Variants in ELMO1 observed in about 807,000 individuals in gnomAD.
ELMO1 encodes the protein engulfment and cell motility 1.
A neutral mutation model predicts 98.9 loss-of-function variants in ELMO1; 26 were observed. That is an observed-to-expected ratio of 0.26 (90% CI 0.19 to 0.36). The LOEUF is 0.36. ELMO1 is among the 10% of genes least tolerant of loss of function. The pLI is 1.00. For missense variants in ELMO1, 627 were observed against 935.2 expected, an observed-to-expected ratio of 0.67 and a Z score of 4.30; for synonymous variants, 346 against 346.0, an observed-to-expected ratio of 1.00 and a Z score of 0.00.
intron 13 of ELMO1, among the ~76,000 whole-genome samples, chr7:37,188,516 T>TAAA (rs1791382907): frequency 1.6e-5 from 2 of 124,624 alleles, no homozygotes; most frequent in Non-Finnish European, 3.4e-5. Flanking sequence ...ATAATAATAA[T>TAAA]AATAATAATA....
chr7:37,408,532 G>T (rs935976219), intron 1 of ELMO1, among the ~76,000 whole-genome samples: 1 of 152,142 alleles, frequency 6.6e-6, no homozygotes, highest in African/African-American at 2.4e-5. Flanking sequence ...TAGATGAAGG[G>T]ATAAAGAAAC....
intron 4 of ELMO1, among the ~76,000 whole-genome samples, 173 bp from the exon 5 acceptor site, chr7:37,272,055 A>G (rs779105371): frequency 6.6e-6 from 1 of 152,242 alleles, no homozygotes; most frequent in East Asian, 1.9e-4. Flanking sequence ...TATTCAGTAC[A>G]AAGGAAGTGA....
intron 15 of ELMO1, among the ~76,000 whole-genome samples, chr7:37,052,254 C>T (rs1257644038): frequency 2.0e-5 from 3 of 152,162 alleles, no homozygotes; most frequent in Admixed American, 1.3e-4. Context: ...CAAGTTCATC[C>T]GATCTCTGCT....
chr7:37,386,903 A>T (rs1802830010), intron 1 of ELMO1, among the ~76,000 whole-genome samples: 1 of 152,170 alleles, frequency 6.6e-6, no homozygotes, highest in Non-Finnish European at 1.5e-5. Flanking sequence ...AGAGTTTTTA[A>T]TAAAATATTT....
intron 13 of ELMO1, among the ~76,000 whole-genome samples, chr7:37,193,737 A>T (rs969554693): frequency 6.6e-6 from 1 of 152,136 alleles, no homozygotes; most frequent in Non-Finnish European, 1.5e-5. Flanking sequence ...CTTACAAACA[A>T]ATCAGAGTCC....
intron 14 of ELMO1, among the ~76,000 whole-genome samples, chr7:37,125,847 C>T (rs911623929): frequency 5.3e-5 from 8 of 152,096 alleles, no homozygotes; most frequent in African/African-American, 1.2e-4. Context: ...CACATGCAGA[C>T]GTATGTTTAT....
intron 16 of ELMO1, among the ~76,000 whole-genome samples, chr7:36,913,031 C>G (rs1784444557): frequency 1.3e-5 from 2 of 152,184 alleles, no homozygotes; most frequent in Non-Finnish European, 2.9e-5. Flanking sequence ...CTCCAAAGCA[C>G]TTATTAGCAC....
intron 17 of ELMO1, among the ~76,000 whole-genome samples, chr7:36,889,739 G>A (rs10225887): frequency 0.12 from 19,002 of 152,152 alleles, 1,349 homozygotes; most frequent in South Asian, 0.22. Context: ...CTGTCACAAC[G>A]CATTTCATCA....
At chr7:37,187,455 T>C (rs1347464496) in intron 13 of ELMO1, among the ~76,000 whole-genome samples, 1 of 152,196 alleles carries the variant, frequency 6.6e-6, no homozygotes, top group Non-Finnish European at 1.5e-5. Flanking sequence ...GGTCTATAAA[T>C]TATACATCAA....
intron 4 of ELMO1, among the ~76,000 whole-genome samples, chr7:37,290,328 A>C (rs920382455): frequency 6.6e-6 from 1 of 152,238 alleles, no homozygotes; most frequent in Admixed American, 6.5e-5. Context: ...AAAAAGGTAA[A>C]GATTTAGCTA....
intron 13 of ELMO1, among the ~76,000 whole-genome samples, chr7:37,180,936 T>C (rs1422324803): frequency 2.0e-5 from 3 of 152,284 alleles, no homozygotes; most frequent in South Asian, 2.1e-4. Flanking sequence ...GAGTTCCTTG[T>C]ACAATTCTTG....
intron 1 of ELMO1, among the ~76,000 whole-genome samples, chr7:37,437,689 G>GGTTTGA (rs1805206937): frequency 2.6e-4 from 3 of 11,512 alleles, no homozygotes; most frequent in African/African-American, 4.5e-4. Context: ...TATACAATAG[G>GGTTTGA]CCGGGCGCGG....
chr7:37,143,833 C>T (rs1787803498), intron 13 of ELMO1, among the ~76,000 whole-genome samples: 1 of 150,710 alleles, frequency 6.6e-6, no homozygotes, highest in South Asian at 2.1e-4. Context: ...GTCTCAGCCT[C>T]CCAAGTAGCT....
At chr7:37,429,963 C>G (rs1804864160) in intron 1 of ELMO1, among the ~76,000 whole-genome samples, 1 of 152,218 alleles carries the variant, frequency 6.6e-6, no homozygotes, top group Non-Finnish European at 1.5e-5. Flanking sequence ...CTAGTTTTTG[C>G]AAGCTGCTGA....
intron 16 of ELMO1, among the ~76,000 whole-genome samples, chr7:36,987,393 GCCC>G: frequency 6.6e-6 from 1 of 152,326 alleles, no homozygotes; most frequent in South Asian, 2.1e-4. Flanking sequence ...GTCTGCGGAA[GCCC>G]TCAGTTCCAC....
chr7:36,918,388 T>G (rs1284580553), intron 16 of ELMO1, among the ~76,000 whole-genome samples: 1 of 152,174 alleles, frequency 6.6e-6, no homozygotes. Context: ...TCTCTAATAA[T>G]TTTATAAGTG....
intron 14 of ELMO1, among the ~76,000 whole-genome samples, chr7:37,110,751 G>A (rs1423098857): frequency 3.3e-5 from 5 of 152,090 alleles, no homozygotes. Context: ...GGGGCTATGG[G>A]GCCCCCCAGA....
chr7:37,047,073 G>C (rs1795834349), intron 15 of ELMO1, among the ~76,000 whole-genome samples: 1 of 152,184 alleles, frequency 6.6e-6, no homozygotes, highest in Non-Finnish European at 1.5e-5. Context: ...GGTAGTCACT[G>C]TTGTTGCTTA....
chr7:37,007,599 G>T (rs943864409), intron 16 of ELMO1, among the ~76,000 whole-genome samples: 4 of 152,194 alleles, frequency 2.6e-5, no homozygotes, highest in African/African-American at 9.7e-5. Context: ...CCCTAGTAAG[G>T]AGACTCCTGA....
Sources: gnomAD v4.1 joint callset for allele counts (sites outside exome capture counted in the v4.1 genomes callset) on GRCh38, gnomAD v4.1.1 for gene constraint, MANE v1.5 for transcripts, NCBI Gene and HGNC (gene_info 2026-07-23, HGNC 2026-07-21) for gene names.